Variants in CTIF observed in about 807,000 individuals in gnomAD.
CTIF encodes the protein CBP80/20-dependent translation initiation factor.
In CTIF, 21 loss-of-function variants were observed where a neutral mutation model predicts 66.0. The ratio of observed to expected loss-of-function variants is 0.32; its 90% CI spans 0.23 to 0.46. The LOEUF (loss-of-function observed/expected upper bound fraction) is 0.46, where lower values mean the gene tolerates loss of function less well. Among genes scored for constraint, CTIF ranks in the 20% least tolerant of loss-of-function variants. The pLI is 1.00. For synonymous variants in CTIF, 345 were observed against 326.4 expected (o/e 1.06, Z -0.62); for missense variants, 739 against 812.7 (o/e 0.91, Z 1.10).
chr18:48,702,399 G>T (rs954795023), intron 6 of CTIF, among the ~76,000 whole-genome samples: 15 of 152,240 alleles, frequency 9.9e-5, no homozygotes, highest in Non-Finnish European at 1.9e-4. Flanking sequence ...TTTTAAGGGG[G>T]TCGTGGAATC....
chr18:48,859,414 G>A lies in CTIF; in HGVS notation c.1652G>A (p.Arg551Gln), dbSNP rs771671682. The A allele has an allele frequency of 2.5e-6, 4 of 1,614,144 alleles. No homozygotes were observed. The highest frequency in any genetic ancestry group is 3.3e-5 in the Admixed American group (2 of 60,038). The change falls in exon 12 of 12, where the codon CGG (arginine) becomes CAG (glutamine). Residue 551 changes from arginine (R) to glutamine (Q), a missense_variant. Physicochemically the swap from Arg to Gln is conservative, Grantham distance 43. Transcript: ENST00000256413. ...ATGACAGAGCTCCTGGCCAGCGCAC[G>A]GGACAAGATGCTGTGCCCCTCGGAG... ...EMMTELLASA[R>Q]DKMLCPSESM...
At position 48,663,772 on chromosome 18, in the gene CTIF, T is replaced by A. The variant is rs1387589172; in HGVS notation, c.273T>A (p.Ser91=). ...TCCAGAATGGCAGCAAAGACAACTC[T>A]CTGGACATGCTGGGCACGGACATCT... is the stretch of plus-strand genomic sequence containing the variant. ...PPQQNGSKDN[S]LDMLGTDIWA... Residue 91 remains serine, a synonymous_variant, in exon 4 of 12, where the codon TCT becomes TCA. Coordinates refer to ENST00000256413, the MANE Select transcript of CTIF (RefSeq NM_014772.3). The A allele has an allele frequency of 1.9e-6, 3 of 1,614,026 alleles. No homozygotes were observed. The highest frequency in any genetic ancestry group is 2.5e-6 in the Non-Finnish European group (3 of 1,179,970).
chr18:48,752,352 G>T (rs759874013), intron 7 of CTIF, among the ~76,000 whole-genome samples: 5 of 152,200 alleles, frequency 3.3e-5, no homozygotes, highest in South Asian at 2.1e-4. Context: ...CCGCCATCAT[G>T]ATAATGATGG....
chr18:48,766,396 C>G (rs972155071), intron 9 of CTIF, among the ~76,000 whole-genome samples: 1 of 152,142 alleles, frequency 6.6e-6, no homozygotes, highest in Non-Finnish European at 1.5e-5. Flanking sequence ...AAGGCACAGT[C>G]TGTCATCAGT....
chr18:48,582,573 T>TC (rs1458210904), intron 1 of CTIF, among the ~76,000 whole-genome samples: 15 of 151,974 alleles, frequency 9.9e-5, no homozygotes, highest in Non-Finnish European at 2.2e-4. Context: ...GCACTGACCT[T>TC]CCCCCTATGT....
At chr18:48,746,525 C>T (rs1270691444) in intron 7 of CTIF, among the ~76,000 whole-genome samples, 1 of 151,356 alleles carries the variant, frequency 6.6e-6, no homozygotes, top group East Asian at 2.0e-4. Flanking sequence ...ACCTCTCTAG[C>T]TCTTGCCTGG....
rs537196287 is a variant in CTIF, at chr18:48,612,862, A to C, written c.-28-6676A>C. ...GGACCCCTTGCTGCAGCCACAAGCC[A>C]AAAGATGAGCCAGGAAGCAGAAATT... On this transcript the variant is annotated intron_variant, in intron 1 of 11. Transcript: ENST00000256413. 5.9e-5 allele frequency among the ~76,000 whole-genome samples: 9 copies of C among 152,104 alleles called. No homozygotes were observed. The East Asian group carries it at 1.5e-3, about 26-fold the overall frequency.
At chr18:48,823,976 CCACACACACACACACA>C (rs35554666) in intron 10 of CTIF, among the ~76,000 whole-genome samples, 69 of 124,214 alleles carry the variant, frequency 5.6e-4, no homozygotes, top group Non-Finnish European at 9.1e-4. Context: ...CCTAAAGACT[CCACACACACACACACA>C]CACACACACA....
In CTIF at chr18:48,817,210, T is replaced by C. The variant is rs777755265; in HGVS notation, c.1372-11T>C. ...CCCGGGAGGCTGACGCGGTCTCTCA[T>C]GCCTCCACAGAAGGACTTCACGGTG... On this transcript the variant is annotated splice_polypyrimidine_tract_variant and intron_variant, in intron 9 of 11. Transcript: ENST00000256413. 1.1e-5 allele frequency: 18 copies of C among 1,612,068 alleles called. No individual in the cohort carries two copies. The highest frequency in any genetic ancestry group is 1.0e-4 in the Admixed American group (6 of 59,938).
chr18:48,726,287 C>T (rs1332210163), intron 7 of CTIF, among the ~76,000 whole-genome samples: 1 of 152,130 alleles, frequency 6.6e-6, no homozygotes, highest in Non-Finnish European at 1.5e-5. Flanking sequence ...TTGGCTTGGA[C>T]GTTTGTATTG....
At chr18:48,801,663 C>CT (rs1568231394) in intron 9 of CTIF, among the ~76,000 whole-genome samples, 199 of 152,260 alleles carry the variant, frequency 1.3e-3, no homozygotes, top group African/African-American at 4.7e-3. Flanking sequence ...CCTGTGTATT[C>CT]ATCTATTTTT....
At position 48,761,758 on chromosome 18, in the gene CTIF, G is replaced by A. The variant is rs957426956; in HGVS notation, c.1371+69G>A. The stretch of plus-strand genomic sequence containing the variant: ...CTGCGTTCGGTGAGTTATTCCTAGC[G>A]AGAAGGCTGCGAGTTCTGGCCACAG... On this transcript the variant is annotated intron_variant, in intron 9 of 11. Coordinates refer to ENST00000256413, the MANE Select transcript of CTIF (RefSeq NM_014772.3). This position sits in a 1 kb window ranked among gnomAD's most constrained non-coding sequence, Gnocchi z 4.2. 47 of 1,458,928 alleles carry A rather than the reference G, an allele frequency of 3.2e-5. No individual in the cohort carries two copies. The highest frequency in any genetic ancestry group is 2.3e-4 in the Middle Eastern group (1 of 4,336). 90.4% of individuals were successfully genotyped at this position (1,458,928 alleles called of 1,614,324 possible).
At position 48,825,114 on chromosome 18, in the gene CTIF, G is replaced by T. The variant is rs556271819; in HGVS notation, c.1527+7738G>T. On this transcript the variant is annotated intron_variant, in intron 10 of 11. Coordinates refer to ENST00000256413, the MANE Select transcript of CTIF (RefSeq NM_014772.3). ...TGGAGTCCAGCAGCCATAGCCAGAGGTCAGGAGTGGAGTAAAGGAGGAAGG... is the reference window on the plus strand; with the variant it reads ...TGGAGTCCAGCAGCCATAGCCAGAGTTCAGGAGTGGAGTAAAGGAGGAAGG... Among the ~76,000 whole-genome samples, 11 of 152,260 alleles carry T rather than the reference G, an allele frequency of 7.2e-5. No homozygotes were observed. In the East Asian group the frequency reaches 1.9e-3, roughly 27 times the overall value.
In CTIF at chr18:48,757,910, C is replaced by A; in HGVS notation, c.585-9C>A. ...ATCGCCTTCTCTGTCTTTCCTCTTC[C>A]GTTTGCAGGCGGCAGCAGAGACCTC... On this transcript the variant is annotated splice_polypyrimidine_tract_variant and intron_variant, in intron 7 of 11. Coordinates refer to ENST00000256413, the MANE Select transcript of CTIF (RefSeq NM_014772.3). The A allele has an allele frequency of 6.2e-7, 1 of 1,605,466 alleles. No homozygotes were observed. The highest frequency in any genetic ancestry group is 8.5e-7 in the Non-Finnish European group (1 of 1,174,668).
chr18:48,599,943 G>A (rs2090060780), intron 1 of CTIF, among the ~76,000 whole-genome samples: 1 of 152,176 alleles, frequency 6.6e-6, no homozygotes, highest in Non-Finnish European at 1.5e-5. Flanking sequence ...TGACCTCAAA[G>A]CTTTCCTACC....
Position 48,859,457 on chromosome 18 carries a change from G to T in CTIF, c.1695G>T (p.Ser565=). Residue 565 remains serine (S), a synonymous_variant, in exon 12 of 12, where the codon TCG becomes TCT. Coordinates refer to ENST00000256413, the MANE Select transcript of CTIF (RefSeq NM_014772.3). ...CCTCGGAGTCCATGCTGACCCGGTC[G>T]CTGCTCCTAGAGGTCATCGAGCTCC... ...LCPSESMLTR[S]LLLEVIELHA... 6.2e-7 allele frequency: 1 copy of T among 1,614,178 alleles called. No individual in the cohort carries two copies. Among genetic ancestry groups the T allele is most frequent in the Non-Finnish European group, 8.5e-7 (1 of 1,180,034 alleles).
At chr18:48,720,530 A>G (rs1300219803) in intron 7 of CTIF, among the ~76,000 whole-genome samples, 1 of 152,162 alleles carries the variant, frequency 6.6e-6, no homozygotes, top group Non-Finnish European at 1.5e-5. Context: ...AAAGATAGAT[A>G]AGAAAATGGG....
At chr18:48,738,845 T>C (rs1480079511) in intron 7 of CTIF, among the ~76,000 whole-genome samples, 1 of 152,122 alleles carries the variant, frequency 6.6e-6, no homozygotes, top group East Asian at 1.9e-4. Flanking sequence ...CACTGTCGAG[T>C]AAGTGAATGA....
At chr18:48,841,062 A>G (rs935666440) in intron 10 of CTIF, among the ~76,000 whole-genome samples, 4 of 152,120 alleles carry the variant, frequency 2.6e-5, no homozygotes, top group African/African-American at 7.2e-5. Context: ...AAGTCCTCCA[A>G]TGACCCTTGC....
Sources: allele counts gnomAD v4.1 joint callset (sites outside exome capture counted in the v4.1 genomes callset), GRCh38; gene constraint gnomAD v4.1.1; non-coding constraint Gnocchi (gnomAD v3.1); transcripts MANE v1.5; gene names NCBI Gene and HGNC (gene_info 2026-07-23, HGNC 2026-07-21).